Variants in ZZZ3 observed in about 807,000 individuals in gnomAD.
ZZZ3 encodes the protein ZZ-type zinc finger-containing protein 3.
A neutral mutation model predicts 95.2 loss-of-function variants in ZZZ3; 22 were observed. That is an observed-to-expected ratio of 0.23 (90% CI 0.17 to 0.33). ZZZ3 has a LOEUF of 0.33. ZZZ3 is among the 10% of genes least tolerant of loss of function. The pLI, the probability that ZZZ3 is intolerant of heterozygous loss-of-function variation, is 1.00. For synonymous variants in ZZZ3, 335 were observed against 358.9 expected, an observed-to-expected ratio of 0.93 and a Z score of 0.75; for missense variants, 885 against 1,066.5, an observed-to-expected ratio of 0.83 and a Z score of 2.37.
chr1:77,643,311 A>G (rs1246558551), intron 1 of ZZZ3, among the ~76,000 whole-genome samples: 1 of 152,224 alleles, frequency 6.6e-6, no homozygotes, highest in Non-Finnish European at 1.5e-5. Flanking sequence ...CTCATTCAAT[A>G]TACATTTCAA....
At chr1:77,610,442 G>A (rs1036520570) in intron 5 of ZZZ3, among the ~76,000 whole-genome samples, 1 of 151,798 alleles carries the variant, frequency 6.6e-6, no homozygotes, top group East Asian at 1.9e-4. Context: ...TAGAGGAGGA[G>A]GGAATACTTC....
intron 4 of ZZZ3, among the ~76,000 whole-genome samples, chr1:77,636,934 C>A (rs768590168): frequency 5.0e-4 from 76 of 152,290 alleles, no homozygotes; most frequent in Non-Finnish European, 7.6e-4. Context: ...TTGTCAAATT[C>A]TGTGCTATTG....
At chr1:77,577,759 T>G (rs1662104956) in intron 11 of ZZZ3, among the ~76,000 whole-genome samples, 1 of 152,188 alleles carries the variant, frequency 6.6e-6, no homozygotes, top group African/African-American at 2.4e-5. Context: ...CAGCTGGGAC[T>G]GCAGGTGCGT....
In ZZZ3 at chr1:77,563,205, T is replaced by C. The variant is rs1660559936; in HGVS notation, c.*2435A>G. On this transcript the variant is annotated 3_prime_UTR_variant, in exon 15 of 15. Transcript: ENST00000370801. ...ACAATATATCAGGAAATAGATCTTATCTACTGAATACCACTGAATAAGCAA... is the reference window on the plus strand; with the variant it reads ...ACAATATATCAGGAAATAGATCTTACCTACTGAATACCACTGAATAAGCAA... The C allele has an allele frequency of 6.6e-6, 1 of 152,234 alleles. No individual in the cohort carries two copies. The highest frequency in any genetic ancestry group is 2.1e-4 in the South Asian group (1 of 4,836). The allele number at this position is 152,234 out of a possible 1,614,324, so 9.4% of individuals were successfully genotyped here.
At chr1:77,567,827 C>G (rs1660971845) in intron 13 of ZZZ3, among the ~76,000 whole-genome samples, 1 of 152,138 alleles carries the variant, frequency 6.6e-6, no homozygotes, top group Non-Finnish European at 1.5e-5. Flanking sequence ...GACCCATGAA[C>G]AACAGCAACA....
chr1:77,591,140 GGTGACGTAAC>G (rs1663647340), intron 5 of ZZZ3, among the ~76,000 whole-genome samples: 1 of 146,618 alleles, frequency 6.8e-6, no homozygotes, highest in South Asian at 2.2e-4. Context: ...GAGGACATAA[GGTGACGTAAC>G]GATAAATATA....
chr1:77,653,252 G>T (rs1252103552), intron 1 of ZZZ3, among the ~76,000 whole-genome samples: 1 of 152,112 alleles, frequency 6.6e-6, no homozygotes, highest in African/African-American at 2.4e-5. Flanking sequence ...ACAAAAAGGA[G>T]ATAAGTGATT....
chr1:77,569,421 C>T (rs894442000), intron 12 of ZZZ3, among the ~76,000 whole-genome samples: 6 of 152,114 alleles, frequency 3.9e-5, no homozygotes, highest in East Asian at 1.9e-4. Flanking sequence ...TTTATGATTC[C>T]GAACTTTTAG....
chr1:77,578,722 T>C (rs1409823165), intron 11 of ZZZ3, 52 bp downstream of exon 11: 2 of 1,083,038 alleles, frequency 1.8e-6, no homozygotes, highest in East Asian at 2.9e-5. Flanking sequence ...ACATAGCAAT[T>C]CTTACTTTAA....
At chr1:77,638,410 A>G (rs900888439) in intron 4 of ZZZ3, among the ~76,000 whole-genome samples, 1 of 152,230 alleles carries the variant, frequency 6.6e-6, no homozygotes, top group African/African-American at 2.4e-5. Flanking sequence ...AGCTCCTATG[A>G]TCATACCTGT....
chr1:77,584,509 A>T lies in ZZZ3; in HGVS notation c.1644+8T>A. ...CTTAGTAAATCTTAAAAACAGTTCA[A>T]TGTATACCTTCTTCTGGAGTTTTTC... On this transcript the variant is annotated splice_region_variant and intron_variant, in intron 6 of 14. Transcript: ENST00000370801. The T allele has an allele frequency of 6.2e-7, 1 of 1,603,640 alleles. No homozygotes were observed. The highest frequency in any genetic ancestry group is 8.5e-7 in the Non-Finnish European group (1 of 1,177,000).
chr1:77,628,414 G>A (rs1667507172), intron 5 of ZZZ3, among the ~76,000 whole-genome samples: 1 of 152,086 alleles, frequency 6.6e-6, no homozygotes, highest in South Asian at 2.1e-4. Flanking sequence ...TCTCCATTTG[G>A]AAAAATAAAT....
At chr1:77,592,041 T>C (rs1570448397) in intron 5 of ZZZ3, among the ~76,000 whole-genome samples, 1 of 151,876 alleles carries the variant, frequency 6.6e-6, no homozygotes. Context: ...GCTGGGACCC[T>C]ATCCCTCACT....
At chr1:77,679,217 A>G (rs1672531640) in intron 1 of ZZZ3, among the ~76,000 whole-genome samples, 1 of 152,224 alleles carries the variant, frequency 6.6e-6, no homozygotes, top group Non-Finnish European at 1.5e-5. Flanking sequence ...CCAAATCTCT[A>G]GTAAATACTA....
intron 5 of ZZZ3, among the ~76,000 whole-genome samples, chr1:77,594,474 G>A (rs1313332288): frequency 2.0e-5 from 3 of 151,964 alleles, no homozygotes; most frequent in Non-Finnish European, 2.9e-5. Context: ...AGCATAGTAA[G>A]GTTCAAGAAA....
chr1:77,673,811 T>C (rs1342930112), intron 1 of ZZZ3, among the ~76,000 whole-genome samples: 1 of 152,210 alleles, frequency 6.6e-6, no homozygotes, highest in Non-Finnish European at 1.5e-5. Flanking sequence ...TAAATTGGAA[T>C]CTTTTTCTTG....
Position 77,649,958 on chromosome 1 carries a change from A to G in ZZZ3, c.-402-8303T>C, listed in dbSNP as rs1211465932. On this transcript the variant is annotated intron_variant, in intron 1 of 14. Transcript: ENST00000370801. ...TATACCAATATACTGTACAGTTTAT[A>G]ACATAAATGGGAGTAAATGTAATAG... is the stretch of plus-strand genomic sequence containing the variant. 3.9e-5 allele frequency among the ~76,000 whole-genome samples: 6 copies of G among 152,312 alleles called. No individual in the cohort carries two copies. The East Asian group carries it at 1.2e-3, about 29-fold the overall frequency.
At chr1:77,622,181 C>T (rs530169216) in intron 5 of ZZZ3, among the ~76,000 whole-genome samples, 37 of 150,656 alleles carry the variant, frequency 2.5e-4, no homozygotes, top group African/African-American at 7.1e-4. Context: ...GTGGCACACA[C>T]CTGTAGTCCC....
At chr1:77,575,427 C>T (rs901591433) in intron 12 of ZZZ3, among the ~76,000 whole-genome samples, 2 of 152,102 alleles carry the variant, frequency 1.3e-5, no homozygotes, top group Non-Finnish European at 2.9e-5. Context: ...TGAAAGTAAA[C>T]GTGAAGTAGT....
Sources: gnomAD v4.1 joint callset for allele counts (sites outside exome capture counted in the v4.1 genomes callset) on GRCh38, gnomAD v4.1.1 for gene constraint, MANE v1.5 for transcripts, NCBI Gene and HGNC (gene_info 2026-07-23, HGNC 2026-07-21) for gene names.